Variants in CHD9 observed in about 807,000 individuals in gnomAD.
The protein encoded by CHD9 is ATP-dependent chromatin remodeler CHD9.
In CHD9, 77 loss-of-function variants were observed where a neutral mutation model predicts 316.1. The observed-to-expected ratio is 0.24, with a 90% CI of 0.20 to 0.29. CHD9 has a LOEUF of 0.29. CHD9 is among the 10% of genes least tolerant of loss of function. The probability of loss-of-function intolerance (pLI) is 1.00; values close to 1 mark genes in which losing one functional copy is unlikely to be tolerated. For missense variants in CHD9, 2,763 were observed against 3,438.1 expected (o/e 0.80, Z 4.91); for synonymous variants, 1,129 against 1,158.3 (o/e 0.97, Z 0.51).
intron 24 of CHD9, among the ~76,000 whole-genome samples, chr16:53,283,430 G>T (rs1404811158): frequency 2.0e-5 from 3 of 152,262 alleles, no homozygotes; most frequent in South Asian, 4.1e-4. Context: ...ACTTACATTT[G>T]AAACATGAGT....
intron 1 of CHD9, among the ~76,000 whole-genome samples, chr16:53,134,139 G>T (rs1479668148): frequency 2.0e-5 from 3 of 152,078 alleles, no homozygotes; most frequent in African/African-American, 7.2e-5. Context: ...AATTTCATCG[G>T]GTAATGAGTG....
rs757165644 is a variant in CHD9 at position 53,146,419 on chromosome 16, G to GTATATATATATA, written c.-164-9500_-164-9489dup. On this transcript the variant is annotated intron_variant, in intron 1 of 38. Transcript: ENST00000447540. ...AAAAAAAAATTGTGTGTGTGTGTAT[G>GTATATATATATA]TATATATATATATATATAATTAAAA... 4.4e-4 allele frequency among the ~76,000 whole-genome samples: 34 copies of GTATATATATATA among 76,630 alleles called. 2 individuals carry two copies. Among genetic ancestry groups the GTATATATATATA allele is most frequent in the Admixed American group, 2.1e-3 (12 of 5,648 alleles). 50.3% of individuals were successfully genotyped at this position (76,630 alleles called of 152,430 possible). A position where few individuals can be genotyped will look rare whatever the true frequency, so the allele number is the denominator to read the frequency against.
intron 2 of CHD9, among the ~76,000 whole-genome samples, chr16:53,188,602 CTTTTTTTTTTTTTTTT>C (rs369979479): frequency 1.4e-5 from 1 of 71,236 alleles, no homozygotes; most frequent in Non-Finnish European, 2.8e-5. Flanking sequence ...TGGTCATTAC[CTTTTTTTTTTTTTTTT>C]TTTTTTTTTT....
intron 30 of CHD9, among the ~76,000 whole-genome samples, chr16:53,301,051 C>T (rs2055352732): frequency 6.6e-6 from 1 of 151,694 alleles, no homozygotes; most frequent in Non-Finnish European, 1.5e-5. Flanking sequence ...CCAGCGTGGG[C>T]AACAGAGCAA....
At chr16:53,136,709 CACTA>C (rs2039740479) in intron 1 of CHD9, among the ~76,000 whole-genome samples, 1 of 152,102 alleles carries the variant, frequency 6.6e-6, no homozygotes, top group Non-Finnish European at 1.5e-5. Context: ...TTAGTGAATT[CACTA>C]CATATTCCAA....
At chr16:53,273,577 C>T (rs1480348941) in intron 22 of CHD9, 49 bp from the exon 23 acceptor site, 21 of 1,410,744 alleles carry the variant, frequency 1.5e-5, no homozygotes, top group Non-Finnish European at 2.0e-5. Context: ...TTTCAGATTG[C>T]AAATTTTTAT....
chr16:53,140,416 CAAAA>C (rs544725340), intron 1 of CHD9, among the ~76,000 whole-genome samples: 5 of 99,322 alleles, frequency 5.0e-5, no homozygotes, highest in Admixed American at 1.2e-4. Context: ...AACTCTGTCT[CAAAA>C]AAAAAAAAAA....
At chr16:53,194,657 G>A (rs1255768774) in intron 2 of CHD9, among the ~76,000 whole-genome samples, 2 of 152,284 alleles carry the variant, frequency 1.3e-5, no homozygotes, top group East Asian at 3.9e-4. Context: ...GTGTTATTCA[G>A]AAATGTGAGT....
At chr16:53,282,051 C>T (rs2053464519) in intron 24 of CHD9, among the ~76,000 whole-genome samples, 1 of 152,104 alleles carries the variant, frequency 6.6e-6, no homozygotes, top group African/African-American at 2.4e-5. Context: ...AACTAATTGG[C>T]TCCTTTCCCC....
Position 53,209,546 on chromosome 16 carries a change from G to C in CHD9, c.1517G>C (p.Arg506Thr). 1 of 1,613,816 alleles carries C rather than the reference G, an allele frequency of 6.2e-7. No homozygotes were observed. Among genetic ancestry groups the C allele is most frequent in the South Asian group, 1.1e-5 (1 of 91,076 alleles). Residue 506 changes from arginine (R) to threonine (T), a missense_variant, in exon 3 of 39, where the codon AGG (arginine) becomes ACG (threonine). Arg to Thr is a moderately conservative substitution (Grantham distance 71). Transcript: ENST00000447540. ...ACTAAGTTGCAGAATACCCAGGTGA[G>C]GGTCATGTCTGAGAAGAAGCAGAGA... ...TYTKLQNTQV[R>T]VMSEKKQRKK...
chr16:53,153,023 A>G (rs967379140), intron 1 of CHD9, among the ~76,000 whole-genome samples: 4 of 152,214 alleles, frequency 2.6e-5, no homozygotes, highest in Non-Finnish European at 5.9e-5. Flanking sequence ...TAAGTGTTTC[A>G]AGGAGGATTC....
intron 1 of CHD9, among the ~76,000 whole-genome samples, chr16:53,056,401 T>C (rs1252775270): frequency 2.0e-5 from 3 of 152,220 alleles, no homozygotes; most frequent in Non-Finnish European, 4.4e-5. Context: ...TGCTAGAGGC[T>C]TTCTGTGCAG....
chr16:53,244,150 T>G (rs2049348888), intron 13 of CHD9, among the ~76,000 whole-genome samples: 1 of 152,038 alleles, frequency 6.6e-6, no homozygotes, highest in East Asian at 1.9e-4. Context: ...TCTTTTACTA[T>G]TCTGTTTAAT....
intron 1 of CHD9, among the ~76,000 whole-genome samples, chr16:53,118,574 A>G (rs2038495595): frequency 6.6e-6 from 1 of 152,136 alleles, no homozygotes; most frequent in African/African-American, 2.4e-5. Flanking sequence ...ATTTTTTTCA[A>G]TCATATAACC....
At chr16:53,225,797 C>T (rs2077630921) in intron 4 of CHD9, among the ~76,000 whole-genome samples, 1 of 151,886 alleles carries the variant, frequency 6.6e-6, no homozygotes, top group Admixed American at 6.6e-5. Context: ...CTGCTTTAAA[C>T]ACAGTTTCAT....
chr16:53,313,940 A>G (rs1448982940), intron 34 of CHD9, among the ~76,000 whole-genome samples: 1 of 151,532 alleles, frequency 6.6e-6, no homozygotes, highest in African/African-American at 2.4e-5. Flanking sequence ...GCGACAGAGC[A>G]AGACTCCGTC....
intron 30 of CHD9, chr16:53,299,187 CTT>C (rs1567646458): frequency 6.3e-6 from 1 of 158,368 alleles, no homozygotes; most frequent in Non-Finnish European, 1.4e-5. Flanking sequence ...GCCCTAACCT[CTT>C]TTCTAAACGG....
Position 53,116,498 on chromosome 16 carries a change from G to C in CHD9, c.-164-39428G>C, listed in dbSNP as rs954422329. 3.9e-5 allele frequency among the ~76,000 whole-genome samples: 6 copies of C among 152,208 alleles called. No individual in the cohort carries two copies. In the South Asian group the frequency reaches 1.2e-3, roughly 31 times the overall value. On this transcript the variant is annotated intron_variant, in intron 1 of 38. Transcript: ENST00000447540. ...GGATAGAGAGGGTTCTGCTTTGCTA[G>C]TCAATAATTATTGATTATAAGGAAA...
intron 2 of CHD9, among the ~76,000 whole-genome samples, chr16:53,173,910 A>C (rs766551304): frequency 1.3e-5 from 2 of 152,088 alleles, no homozygotes; most frequent in African/African-American, 4.8e-5. Flanking sequence ...TTATTCTATT[A>C]TAGGCATTTG....
Sources: gnomAD v4.1 joint callset for allele counts (sites outside exome capture counted in the v4.1 genomes callset) on GRCh38, gnomAD v4.1.1 for gene constraint, MANE v1.5 for transcripts, NCBI Gene and HGNC (gene_info 2026-07-23, HGNC 2026-07-21) for gene names.